DVL2: variants seen among roughly 807,000 people sequenced by gnomAD.
DVL2 encodes segment polarity protein dishevelled homolog DVL-2.
A neutral mutation model predicts 69.8 loss-of-function variants in DVL2; 38 were observed. The observed-to-expected ratio is 0.54, with a 90% CI of 0.42 to 0.71. The LOEUF (loss-of-function observed/expected upper bound fraction) is 0.71, where lower values mean the gene tolerates loss of function less well. DVL2 is among the 30% of genes least tolerant of loss of function. The pLI, the probability that DVL2 is intolerant of heterozygous loss-of-function variation, is 0.00. For synonymous variants in DVL2, 428 were observed against 392.4 expected, an observed-to-expected ratio of 1.09 and a Z score of -1.07; for missense variants, 931 against 1,008.1, an observed-to-expected ratio of 0.92 and a Z score of 1.04.
intron 2 of DVL2, 87 bp from the exon 3 acceptor site, chr17:7,230,517 C>G: frequency 1.3e-6 from 2 of 1,556,302 alleles, no homozygotes; most frequent in South Asian, 1.2e-5. Context: ...GAAAGGGTCT[C>G]AGAGAGCTGG....
At position 7,229,191 on chromosome 17, in the gene DVL2, T is replaced by TG; in HGVS notation, c.900_901insC (p.Lys301GlnfsTer12). Reference sequence around the variant, plus strand: ...CCGTCGGCCGCCACAGCCCCACCCTTCATGATGGAGCCAATGTAGATGCCT... The same window carrying TG: ...CCGTCGGCCGCCACAGCCCCACCCTTGCATGATGGAGCCAATGTAGATGCCT... On this transcript the variant is annotated frameshift_variant, in exon 8 of 15. Coordinates refer to ENST00000005340, the MANE Select transcript of DVL2 (RefSeq NM_004422.3). LOFTEE classifies it high-confidence loss of function. This position sits in a 1 kb window ranked among gnomAD's most constrained non-coding sequence, Gnocchi z 4.4. The TG allele has an allele frequency of 6.2e-7, 1 of 1,614,178 alleles. No homozygotes were observed. Among genetic ancestry groups the TG allele is most frequent in the Non-Finnish European group, 8.5e-7 (1 of 1,180,020 alleles).
In DVL2 at chr17:7,229,086, G is replaced by C; in HGVS notation, c.958-41C>G. ...AGTGGGTCAGAGACACGGTGGGAGA[G>C]GCTGAGGGCCCCCGTGCAGGGCAGC... On this transcript the variant is annotated intron_variant, in intron 8 of 14. Transcript: ENST00000005340. The surrounding 1 kb of genome is among the most constrained non-coding windows in gnomAD (Gnocchi z 4.4). The C allele has an allele frequency of 6.2e-7, 1 of 1,614,116 alleles. No individual in the cohort carries two copies. Among genetic ancestry groups the C allele is most frequent in the Non-Finnish European group, 8.5e-7 (1 of 1,180,002 alleles).
In DVL2 at chr17:7,227,495, T is replaced by C. The variant is rs768766156; in HGVS notation, c.1272A>G (p.Ala424=). 1.9e-6 allele frequency: 3 copies of C among 1,614,182 alleles called. No homozygotes were observed. The East Asian group carries it at 6.7e-5, about 36-fold the overall frequency. The part of the protein sequence containing the change: ...GRGLSVHTDM[A]SVTKAMAAPE... Reference sequence around the variant, plus strand: ...GAGCTGCCATGGCCTTGGTCACCGATGCCATGTCCGTATGGACGGAGAGAC... The same window carrying C: ...GAGCTGCCATGGCCTTGGTCACCGACGCCATGTCCGTATGGACGGAGAGAC... Residue 424 remains alanine, a synonymous_variant, in exon 12 of 15, where the codon GCA becomes GCG. Coordinates refer to ENST00000005340, the MANE Select transcript of DVL2 (RefSeq NM_004422.3).
rs222837 is a variant in DVL2 at position 7,229,237 on chromosome 17, C to A, written c.855G>T (p.Gln285His). 3.1e-6 allele frequency: 5 copies of A among 1,613,812 alleles called. No individual in the cohort carries two copies. The highest frequency in any genetic ancestry group is 4.2e-6 in the Non-Finnish European group (5 of 1,179,912). Residue 285 changes from glutamine (Q) to histidine (H), a missense_variant, in exon 8 of 15, where the codon CAG becomes CAT. By Grantham distance (24) the Gln-to-His change is conservative. This residue lies in a region of DVL2 where 555 missense variants were observed against 588.8 expected (regional missense o/e 0.94). Coordinates refer to ENST00000005340, the MANE Select transcript of DVL2 (RefSeq NM_004422.3). This position sits in a 1 kb window ranked among gnomAD's most constrained non-coding sequence, Gnocchi z 4.4. ...YNFLGISIVG[Q>H]SNERGDGGIY... ...TGCCTCCGTCTCCCCGCTCATTGCT[C>A]TGGCCAACAATGGAGATACCCAGGA...
At chr17:7,231,963 T>C (rs567509541) in intron 1 of DVL2, among the ~76,000 whole-genome samples, 3 of 151,684 alleles carry the variant, frequency 2.0e-5, no homozygotes, top group African/African-American at 7.3e-5. Context: ...GGGGTTCCCA[T>C]TCCCCTGTGC....
rs1227438353 is a variant in DVL2, at chr17:7,234,205, G to A, written c.58C>T (p.Leu20=). Residue 20 remains leucine, a synonymous_variant, in exon 1 of 15, where the codon CTG becomes TTG. Coordinates refer to ENST00000005340, the MANE Select transcript of DVL2 (RefSeq NM_004422.3). ...AGGTAGGGAGTCTCTTCCTCATCCA[G>A]GTGGTAAATCACCTTCGTCTCCCCA... is the stretch of plus-strand genomic sequence containing the variant. ...GVGETKVIYH[L]DEEETPYLVK... 20 of 1,614,120 alleles carry A rather than the reference G, an allele frequency of 1.2e-5. No individual in the cohort carries two copies. Among genetic ancestry groups the A allele is most frequent in the Admixed American group, 1.7e-5 (1 of 60,032 alleles).
chr17:7,229,371 C>T lies in DVL2; in HGVS notation c.817+7G>A. ...CCCCACGCCCTAGCCACAGGCTCTC[C>T]CCATACCCATGTTTAGCGTGACTGT... On this transcript the variant is annotated splice_region_variant and intron_variant, in intron 7 of 14. Coordinates refer to ENST00000005340, the MANE Select transcript of DVL2 (RefSeq NM_004422.3). The surrounding 1 kb of genome is among the most constrained non-coding windows in gnomAD (Gnocchi z 4.4). 6.2e-7 allele frequency: 1 copy of T among 1,613,940 alleles called. No individual in the cohort carries two copies. The highest frequency in any genetic ancestry group is 8.5e-7 in the Non-Finnish European group (1 of 1,180,024).
At position 7,225,913 on chromosome 17, in the gene DVL2, G is replaced by C. The variant is rs1206306266; in HGVS notation, c.2163C>G (p.Phe721Leu). The C allele has an allele frequency of 6.2e-7, 1 of 1,613,860 alleles. No homozygotes were observed. The highest frequency in any genetic ancestry group is 8.5e-7 in the Non-Finnish European group (1 of 1,180,044). ...CGCTGGGATTGCCCATGGCCATGTGGAAGCTTTGGCGGCTGGCTGTCAGTT... is the reference window on the plus strand; with the variant it reads ...CGCTGGGATTGCCCATGGCCATGTGCAAGCTTTGGCGGCTGGCTGTCAGTT... ...PPELTASRQS[F>L]HMAMGNPSEF... The change falls in exon 15 of 15, where the codon TTC becomes TTG. Residue 721 changes from phenylalanine (F) to leucine (L), a missense_variant. Phe to Leu is a conservative substitution (Grantham distance 22, BLOSUM62 0). Transcript: ENST00000005340.
Position 7,226,441 on chromosome 17 carries a change from G to T in DVL2, c.1742C>A (p.Ala581Asp). Residue 581 changes from alanine to aspartate, a missense_variant, in exon 14 of 15, where the codon GCC becomes GAC. Around this residue, in one of 3 missense-constraint regions of DVL2, gnomAD observed 314 missense variants for 313.7 expected, o/e 1.00. Transcript: ENST00000005340. ...LSSYTYGGGS[A>D]SSQHSEGSRS... ...CTTACCCTCACTATGCTGGCTGCTG[G>T]CACTGCCCCCACCATAGGTGTAAGA... 1 of 1,538,512 alleles carries T rather than the reference G, an allele frequency of 6.5e-7. No individual in the cohort carries two copies.
rs1215823324 is a variant in DVL2 at position 7,230,774 on chromosome 17, T to C, written c.218A>G (p.Asp73Gly). 1 of 1,613,248 alleles carries C rather than the reference T, an allele frequency of 6.2e-7. No individual in the cohort carries two copies. Among genetic ancestry groups the C allele is most frequent in the South Asian group, 1.1e-5 (1 of 91,010 alleles). Residue 73 changes from aspartate to glycine, a missense_variant, in exon 2 of 15, where the codon GAT becomes GGT. Asp to Gly is a moderately conservative substitution (Grantham distance 94). Transcript: ENST00000005340. Reference sequence around the variant, plus strand: ...GAAGCAGGGGAGGCGGGCGTTGTCATCTGAAATTTCTTCCTTCACCACCCT... The same window carrying C: ...GAAGCAGGGGAGGCGGGCGTTGTCACCTGAAATTTCTTCCTTCACCACCCT... ...DFGVVKEEIS[D>G]DNARLPCFNG... is the part of the protein sequence containing the mutation.
Position 7,225,686 on chromosome 17 carries a change from T to TCTA in DVL2, c.*176_*178dup. On this transcript the variant is annotated 3_prime_UTR_variant, in exon 15 of 15. Transcript: ENST00000005340. ...GCTAAAAATAATCAAAGGTCCCTTG[T>TCTA]CTACCCCTGAGGGAAGGGGGAGGAA... is the stretch of plus-strand genomic sequence containing the variant. 1 of 614,638 alleles carries TCTA rather than the reference T, an allele frequency of 1.6e-6. No individual in the cohort carries two copies. The highest frequency in any genetic ancestry group is 2.9e-6 in the Non-Finnish European group (1 of 348,440). 38.1% of individuals were successfully genotyped at this position (614,638 alleles called of 1,614,324 possible).
intron 1 of DVL2, 52 bp from the exon 2 acceptor site, chr17:7,230,849 C>T (rs536315634): frequency 6.4e-6 from 9 of 1,406,718 alleles, no homozygotes; most frequent in Middle Eastern, 1.8e-4. Context: ...ATCCCCACCC[C>T]GACCCCCATC....
chr17:7,231,861 GAAA>G (rs35734517), intron 1 of DVL2, among the ~76,000 whole-genome samples: 1 of 50,218 alleles, frequency 2.0e-5, no homozygotes, highest in Non-Finnish European at 4.1e-5. Flanking sequence ...CTCCACCTCA[GAAA>G]AAAAAAAAAA....
At chr17:7,230,469 A>G (rs753857893) in intron 2 of DVL2, 39 bp from the exon 3 acceptor site, 51 of 1,608,836 alleles carry the variant, frequency 3.2e-5, no homozygotes, top group Non-Finnish European at 4.0e-5. Flanking sequence ...CTCACTTGGG[A>G]GTCAGGGTGT....
chr17:7,226,981 C>A, intron 13 of DVL2, 109 bp downstream of exon 13: 1 of 1,138,994 alleles, frequency 8.8e-7, no homozygotes, highest in East Asian at 2.4e-5. Context: ...ACACACTGCT[C>A]GACCATCCAT....
In DVL2 at chr17:7,234,420, G is replaced by A; in HGVS notation, c.-158C>T. On this transcript the variant is annotated 5_prime_UTR_variant, in exon 1 of 15. Coordinates refer to ENST00000005340, the MANE Select transcript of DVL2 (RefSeq NM_004422.3). ...GAAAAAGCACGGATCTGCGAGGGTG[G>A]CGGCGGGGGGCGGGCCGCGGGGTGC... is the stretch of plus-strand genomic sequence containing the variant. 1 of 837,224 alleles carries A rather than the reference G, an allele frequency of 1.2e-6. No homozygotes were observed. The highest frequency in any genetic ancestry group is 1.7e-6 in the Non-Finnish European group (1 of 573,760). 51.9% of individuals were successfully genotyped at this position (837,224 alleles called of 1,614,324 possible).
intron 1 of DVL2, 179 bp downstream of exon 1, chr17:7,233,890 A>G: frequency 1.4e-6 from 1 of 700,482 alleles, no homozygotes; most frequent in Non-Finnish European, 2.5e-6. Flanking sequence ...CGTGTGCCTC[A>G]ATCTATCCAA....
Position 7,230,401 on chromosome 17 carries a change from C to T in DVL2, c.294G>A (p.Glu98=). The T allele has an allele frequency of 6.2e-7, 1 of 1,614,132 alleles. No homozygotes were observed. The highest frequency in any genetic ancestry group is 8.5e-7 in the Non-Finnish European group (1 of 1,180,028). The change falls in exon 3 of 15, where the codon GAG becomes GAA. Residue 98 remains glutamate (E), a synonymous_variant. Transcript: ENST00000005340. Reference sequence around the variant, plus strand: ...GAGGCTCATGGACTGGAGGGGCCATCTCGGGTTGGGGATTATCTGAGGACA... The same window carrying T: ...GAGGCTCATGGACTGGAGGGGCCATTTCGGGTTGGGGATTATCTGAGGACA... ...WLVSSDNPQP[E]MAPPVHEPRA...
chr17:7,229,992 C>T lies in DVL2; in HGVS notation c.521-49G>A. 1 of 1,610,694 alleles carries T rather than the reference C, an allele frequency of 6.2e-7. No homozygotes were observed. The highest frequency in any genetic ancestry group is 8.5e-7 in the Non-Finnish European group (1 of 1,179,812). ...GAACCAAGCTTCCCCCTGCTCACCC[C>T]ACCAAGGCTGGGGTCTGGCCCAGCC... On this transcript the variant is annotated intron_variant, in intron 4 of 14. Coordinates refer to ENST00000005340, the MANE Select transcript of DVL2 (RefSeq NM_004422.3). This position sits in a 1 kb window ranked among gnomAD's most constrained non-coding sequence, Gnocchi z 4.4.
Sources: allele counts gnomAD v4.1 joint callset (sites outside exome capture counted in the v4.1 genomes callset), GRCh38; gene constraint gnomAD v4.1.1; regional missense constraint gnomAD v4.1.1; non-coding constraint Gnocchi (gnomAD v3.1); transcripts MANE v1.5; gene names NCBI Gene and HGNC (gene_info 2026-07-23, HGNC 2026-07-21).